Variants in SEMA5A observed in about 807,000 individuals in gnomAD.
SEMA5A encodes semaphorin 5A, also known as semaphorin-5A.
SEMA5A carries 55 observed loss-of-function variants against 135.5 expected under a neutral mutation model. The ratio of observed to expected loss-of-function variants is 0.41; its 90% CI spans 0.33 to 0.51. The LOEUF is 0.51. Ranked by LOEUF, SEMA5A falls within the 20% of genes least tolerant of loss-of-function variation. The probability of loss-of-function intolerance (pLI) is 0.37; values close to 1 mark genes in which losing one functional copy is unlikely to be tolerated. For missense variants in SEMA5A, 1,290 were observed against 1,419.9 expected (o/e 0.91, Z 1.47); for synonymous variants, 580 against 546.5 (o/e 1.06, Z -0.85).
rs367901928 is a variant in SEMA5A, at chr5:9,035,959, C to CAAAAAA, written c.*6932_*6937dup. Reference sequence around the variant, plus strand: ...TGAAATTGGCTTTGGAGGAGTTTCACAAAAAAAAAAAAAAAAAAAAATCTC... The same window carrying CAAAAAA: ...TGAAATTGGCTTTGGAGGAGTTTCACAAAAAAAAAAAAAAAAAAAAAAAAAAATCTC... On this transcript the variant is annotated 3_prime_UTR_variant, in exon 23 of 23. Coordinates refer to ENST00000382496, the MANE Select transcript of SEMA5A (RefSeq NM_003966.3). The CAAAAAA allele has an allele frequency of 3.4e-4, 39 of 113,296 alleles. No individual in the cohort carries two copies. Among genetic ancestry groups the CAAAAAA allele is most frequent in the African/African-American group, 1.2e-3 (34 of 29,490 alleles). 7.0% of individuals were successfully genotyped at this position (113,296 alleles called of 1,614,324 possible).
chr5:9,448,469 A>G (rs1173367061), intron 1 of SEMA5A, among the ~76,000 whole-genome samples: 2 of 152,222 alleles, frequency 1.3e-5, no homozygotes, highest in South Asian at 2.1e-4. Context: ...GCCTACCCCA[A>G]CAGTGGAATT....
chr5:9,439,295 G>A (rs929401953), intron 1 of SEMA5A, among the ~76,000 whole-genome samples: 8 of 152,200 alleles, frequency 5.3e-5, no homozygotes, highest in Admixed American at 1.3e-4. Flanking sequence ...ACCTTTGGGC[G>A]TGGCAACAAA....
intron 8 of SEMA5A, among the ~76,000 whole-genome samples, chr5:9,224,445 A>C (rs1579654133): frequency 1.3e-5 from 2 of 152,202 alleles, no homozygotes; most frequent in Non-Finnish European, 2.9e-5. Context: ...TCATATCAAC[A>C]TTAGCCATAT....
intron 8 of SEMA5A, among the ~76,000 whole-genome samples, chr5:9,206,501 C>A (rs917205217): frequency 6.6e-6 from 1 of 151,822 alleles, no homozygotes; most frequent in Non-Finnish European, 1.5e-5. Context: ...CACGCAAAAC[C>A]AAATACTGAG....
chr5:9,053,153 G>A (rs1164846310), intron 19 of SEMA5A, among the ~76,000 whole-genome samples: 2 of 152,200 alleles, frequency 1.3e-5, no homozygotes, highest in Non-Finnish European at 2.9e-5. Flanking sequence ...TTTCATTCCA[G>A]GTCATTCCTT....
chr5:9,088,154 A>C (rs1487112069), intron 16 of SEMA5A, among the ~76,000 whole-genome samples: 1 of 152,080 alleles, frequency 6.6e-6, no homozygotes, highest in Non-Finnish European at 1.5e-5. Context: ...TAAAAATGCA[A>C]AAATTAGCTG....
At chr5:9,225,389 T>TA (rs34806769) in intron 7 of SEMA5A, among the ~76,000 whole-genome samples, 11,175 of 43,134 alleles carry the variant, frequency 0.26, 2,150 homozygotes, top group East Asian at 0.32. Context: ...CCATCTCTAC[T>TA]AAAAAAAAAA....
intron 8 of SEMA5A, among the ~76,000 whole-genome samples, chr5:9,217,423 TTC>T (rs1746691218): frequency 6.6e-6 from 1 of 152,186 alleles, no homozygotes; most frequent in Non-Finnish European, 1.5e-5. Context: ...GCCATTAACA[TTC>T]TTTCTTTCAT....
chr5:9,227,028 C>A, intron 6 of SEMA5A, 61 bp from the exon 7 acceptor site: 1 of 828,640 alleles, frequency 1.2e-6, no homozygotes. Flanking sequence ...GATAAACATG[C>A]TAACAAAGTC....
intron 1 of SEMA5A, among the ~76,000 whole-genome samples, chr5:9,467,131 G>C (rs543492152): frequency 2.0e-5 from 3 of 149,102 alleles, no homozygotes; most frequent in Non-Finnish European, 4.4e-5. Flanking sequence ...TTTTTTTTTT[G>C]AGACGGAGTC....
chr5:9,092,262 G>A (rs537021750), intron 16 of SEMA5A, among the ~76,000 whole-genome samples: 2 of 152,314 alleles, frequency 1.3e-5, no homozygotes, highest in South Asian at 2.1e-4. Context: ...TGTATTTGTC[G>A]AATGCACAGG....
intron 5 of SEMA5A, among the ~76,000 whole-genome samples, chr5:9,274,123 C>T (rs1002721185): frequency 6.6e-6 from 1 of 151,830 alleles, no homozygotes; most frequent in Non-Finnish European, 1.5e-5. Context: ...CACATAGGCT[C>T]AAAATAAAGG....
At chr5:9,436,532 G>A (rs1470090193) in intron 2 of SEMA5A, among the ~76,000 whole-genome samples, 4 of 152,164 alleles carry the variant, frequency 2.6e-5, no homozygotes, top group African/African-American at 9.7e-5. Context: ...CCTCATAGAC[G>A]AAGCCAGGGA....
intron 19 of SEMA5A, 63 bp from the exon 20 acceptor site, chr5:9,052,091 C>T: frequency 4.1e-6 from 6 of 1,450,360 alleles, no homozygotes; most frequent in African/African-American, 1.4e-5. Flanking sequence ...ATCCTAGACT[C>T]ACTGGCAAGT....
chr5:9,424,645 C>T (rs528345266), intron 2 of SEMA5A, among the ~76,000 whole-genome samples: 58 of 152,250 alleles, frequency 3.8e-4, no homozygotes, highest in African/African-American at 1.3e-3. Flanking sequence ...TTGCGTTTCC[C>T]TCCAACCCCT....
In SEMA5A at chr5:9,318,044, A is replaced by T. The variant is rs1218934346; in HGVS notation, c.270+328T>A. Among the ~76,000 whole-genome samples, 3 of 152,344 alleles carry T rather than the reference A, an allele frequency of 2.0e-5. No individual in the cohort carries two copies. The East Asian group carries it at 5.8e-4, about 29-fold the overall frequency. ...CCGGATGCATCAAACTAAATAATCGATGATTGCTGTAACTGTGGGGGAAGG... is the reference window on the plus strand; with the variant it reads ...CCGGATGCATCAAACTAAATAATCGTTGATTGCTGTAACTGTGGGGGAAGG... On this transcript the variant is annotated intron_variant, in intron 5 of 22. Transcript: ENST00000382496.
intron 5 of SEMA5A, among the ~76,000 whole-genome samples, chr5:9,289,140 T>A (rs983150629): frequency 6.6e-6 from 1 of 152,210 alleles, no homozygotes; most frequent in Non-Finnish European, 1.5e-5. Flanking sequence ...TCAGTGTATA[T>A]GTCTTCATTT....
intron 3 of SEMA5A, among the ~76,000 whole-genome samples, chr5:9,362,570 G>A (rs1020396381): frequency 6.6e-6 from 1 of 152,088 alleles, no homozygotes; most frequent in Non-Finnish European, 1.5e-5. Context: ...GGGAAGATAG[G>A]TAGTTTTAAG....
intron 3 of SEMA5A, among the ~76,000 whole-genome samples, chr5:9,341,794 C>T (rs918862634): frequency 2.0e-5 from 3 of 151,352 alleles, no homozygotes; most frequent in Non-Finnish European, 4.4e-5. Context: ...AATTTTTACA[C>T]ATATATTTAC....
Sources: allele counts gnomAD v4.1 joint callset (sites outside exome capture counted in the v4.1 genomes callset), GRCh38; gene constraint gnomAD v4.1.1; transcripts MANE v1.5; gene names NCBI Gene and HGNC (gene_info 2026-07-23, HGNC 2026-07-21).